The following AUTS2 variants were observed in gnomAD, a reference collection of about 807,000 sequenced individuals.
The protein encoded by AUTS2 is autism susceptibility gene 2 protein.
In AUTS2, 17 loss-of-function variants were observed where a neutral mutation model predicts 112.4. The ratio of observed to expected loss-of-function variants is 0.15; its 90% CI spans 0.10 to 0.23. The LOEUF (loss-of-function observed/expected upper bound fraction) is 0.23. AUTS2 is among the 10% of genes least tolerant of loss of function. The pLI is 1.00. For missense variants in AUTS2, 1,510 were observed against 1,701.6 expected (o/e 0.89, Z 1.98); for synonymous variants, 751 against 702.7 (o/e 1.07, Z -1.09).
At position 70,435,795 on chromosome 7, in the gene AUTS2, T is replaced by A. The variant is rs745634507; in HGVS notation, c.690+14T>A. Reference sequence around the variant, plus strand: ...CAGGAAGAGAAGGTAAGACCCCCCCTCCCCCATTGTGGGCACAGCACATAA... The same window carrying A: ...CAGGAAGAGAAGGTAAGACCCCCCCACCCCCATTGTGGGCACAGCACATAA... On this transcript the variant is annotated intron_variant, in intron 5 of 18. Coordinates refer to ENST00000342771, the MANE Select transcript of AUTS2 (RefSeq NM_015570.4). The A allele has an allele frequency of 6.2e-7, 1 of 1,612,442 alleles. No individual in the cohort carries two copies.
intron 1 of AUTS2, among the ~76,000 whole-genome samples, chr7:69,743,856 G>A (rs981308981): frequency 1.3e-5 from 2 of 152,158 alleles, no homozygotes; most frequent in African/African-American, 4.8e-5. Context: ...GAGTACAGTA[G>A]AACGATCATA....
chr7:69,903,616 C>T (rs551922024), intron 2 of AUTS2, among the ~76,000 whole-genome samples: 1 of 152,128 alleles, frequency 6.6e-6, no homozygotes, highest in African/African-American at 2.4e-5. Context: ...CTAACAGACA[C>T]CAAGATGAAT....
At chr7:69,747,784 G>GGGGTGTGTGTGTGT (rs373385601) in intron 1 of AUTS2, among the ~76,000 whole-genome samples, 3 of 144,604 alleles carry the variant, frequency 2.1e-5, no homozygotes, top group South Asian at 2.2e-4. Context: ...GAAGGAGAGG[G>GGGGTGTGTGTGTGT]GTGTGTGTGT....
intron 1 of AUTS2, among the ~76,000 whole-genome samples, chr7:69,690,985 T>A (rs979047517): frequency 5.3e-5 from 8 of 151,834 alleles, no homozygotes; most frequent in Non-Finnish European, 1.2e-4. Context: ...TTTCCAGCTG[T>A]CAGCAGAGAG....
intron 2 of AUTS2, among the ~76,000 whole-genome samples, chr7:70,056,773 C>A (rs761998682): frequency 1.3e-5 from 2 of 152,052 alleles, no homozygotes; most frequent in African/African-American, 4.8e-5. Flanking sequence ...ACAGCGCTTC[C>A]GAAGATGGAA....
chr7:69,790,353 G>A (rs1220969692), intron 1 of AUTS2, among the ~76,000 whole-genome samples: 3 of 152,126 alleles, frequency 2.0e-5, no homozygotes, highest in Non-Finnish European at 4.4e-5. Context: ...ATTCCAAATT[G>A]TGCTTCTGTG....
At chr7:69,654,210 C>G (rs893508762) in intron 1 of AUTS2, among the ~76,000 whole-genome samples, 2 of 152,032 alleles carry the variant, frequency 1.3e-5, no homozygotes, top group Non-Finnish European at 2.9e-5. Flanking sequence ...ACTTTTTATT[C>G]TCTCTTTTGA....
At chr7:69,990,191 T>G (rs1798687803) in intron 2 of AUTS2, among the ~76,000 whole-genome samples, 1 of 152,186 alleles carries the variant, frequency 6.6e-6, no homozygotes, top group Non-Finnish European at 1.5e-5. Context: ...GTATATTTCA[T>G]TGGGTTTTTT....
intron 4 of AUTS2, among the ~76,000 whole-genome samples, chr7:70,312,890 G>C (rs1180537348): frequency 6.6e-6 from 1 of 152,200 alleles, no homozygotes; most frequent in East Asian, 1.9e-4. Context: ...GTCTTGAACA[G>C]TGTAGGACTA....
At chr7:70,136,555 A>G (rs1490600781) in intron 4 of AUTS2, among the ~76,000 whole-genome samples, 1 of 152,202 alleles carries the variant, frequency 6.6e-6, no homozygotes, top group Non-Finnish European at 1.5e-5. Flanking sequence ...GGCACAACTT[A>G]CATTAGTTCT....
At chr7:70,073,025 C>CCCTCCCATCCCTTCCCCTCCCCTCT (rs1802852211) in intron 2 of AUTS2, among the ~76,000 whole-genome samples, 1 of 119,684 alleles carries the variant, frequency 8.4e-6, no homozygotes, top group Non-Finnish European at 1.8e-5. Context: ...CTCTCCCCTC[C>CCCTCCCATCCCTTCCCCTCCCCTCT]CCTCCCCTCC....
chr7:70,419,032 A>G (rs971544892), intron 4 of AUTS2, among the ~76,000 whole-genome samples: 2 of 152,218 alleles, frequency 1.3e-5, no homozygotes, highest in Non-Finnish European at 2.9e-5. Context: ...TATTGATTAA[A>G]AAAAGAAATT....
chr7:70,176,886 C>T (rs1388517944), intron 4 of AUTS2, among the ~76,000 whole-genome samples: 1 of 152,088 alleles, frequency 6.6e-6, no homozygotes, highest in Admixed American at 6.6e-5. Flanking sequence ...CAGATCATAC[C>T]CTGGAAGTTG....
chr7:70,718,134 A>G (rs1810478733), intron 6 of AUTS2, among the ~76,000 whole-genome samples: 1 of 152,112 alleles, frequency 6.6e-6, no homozygotes, highest in Admixed American at 6.5e-5. Context: ...CCACCCCATC[A>G]GGTGGGCCTT....
In AUTS2 at chr7:70,766,290, G is replaced by A. The variant is rs772360830; in HGVS notation, c.1645G>A (p.Ala549Thr). 71 of 1,613,864 alleles carry A rather than the reference G, an allele frequency of 4.4e-5. No homozygotes were observed. The highest frequency in any genetic ancestry group is 5.3e-5 in the Non-Finnish European group (63 of 1,179,998). The change falls in exon 9 of 19, where the codon GCC becomes ACC. Residue 549 changes from alanine to threonine, a missense_variant. Physicochemically the swap from Ala to Thr is moderately conservative, Grantham distance 58 (BLOSUM62 0). This residue lies in a region of AUTS2 where 187 missense variants were observed against 309.7 expected (regional missense o/e 0.60). Transcript: ENST00000342771. This position sits in a 1 kb window ranked among gnomAD's most constrained non-coding sequence, Gnocchi z 4.8. ...GCACACCTTCACGCCGTTCCCCCACGCCATCCCACCCACCGCCATCATGCC... is the reference window on the plus strand; with the variant it reads ...GCACACCTTCACGCCGTTCCCCCACACCATCCCACCCACCGCCATCATGCC... The part of the protein sequence containing the change: ...HQHTFTPFPH[A>T]IPPTAIMPTP...
chr7:69,887,827 C>A (rs1276434665), intron 1 of AUTS2, among the ~76,000 whole-genome samples: 1 of 152,132 alleles, frequency 6.6e-6, no homozygotes, highest in Non-Finnish European at 1.5e-5. Context: ...TGATATCAAG[C>A]CATGAAAAAG....
intron 1 of AUTS2, among the ~76,000 whole-genome samples, chr7:69,768,496 A>G (rs978741143): frequency 3.9e-5 from 6 of 152,174 alleles, no homozygotes; most frequent in African/African-American, 9.7e-5. Context: ...TAATAAATTA[A>G]TGTTGTATTT....
chr7:70,690,322 C>T (rs1242542083), intron 5 of AUTS2, among the ~76,000 whole-genome samples: 2 of 152,340 alleles, frequency 1.3e-5, no homozygotes, highest in African/African-American at 4.8e-5. Flanking sequence ...ATAAACCAGG[C>T]ATGGTGACAT....
chr7:70,365,995 A>T (rs1792552163), intron 4 of AUTS2, among the ~76,000 whole-genome samples: 1 of 152,240 alleles, frequency 6.6e-6, no homozygotes, highest in South Asian at 2.1e-4. Context: ...ACCTACCATA[A>T]GCCAGTCATC....
Sources: allele counts gnomAD v4.1 joint callset (sites outside exome capture counted in the v4.1 genomes callset), GRCh38; gene constraint gnomAD v4.1.1; regional missense constraint gnomAD v4.1.1; non-coding constraint Gnocchi (gnomAD v3.1); transcripts MANE v1.5; gene names NCBI Gene and HGNC (gene_info 2026-07-23, HGNC 2026-07-21).